DNAH12: variants seen among roughly 807,000 people sequenced by gnomAD.
The protein encoded by DNAH12 is dynein axonemal heavy chain 12, also known as axonemal beta dynein heavy chain 12.
In DNAH12, 285 loss-of-function variants were observed where a neutral mutation model predicts 371.5. The ratio of observed to expected loss-of-function variants is 0.77; its 90% confidence interval spans 0.70 to 0.85. The LOEUF (loss-of-function observed/expected upper bound fraction) is 0.85, where lower values mean the gene tolerates loss of function less well. Among genes scored for constraint, DNAH12 ranks in the 40% least tolerant of loss-of-function variants. The pLI is 0.00. For synonymous variants in DNAH12, 1,200 were observed against 1,213.0 expected, an observed-to-expected ratio of 0.99 and a Z score of 0.22; for missense variants, 3,611 against 3,689.4, an observed-to-expected ratio of 0.98 and a Z score of 0.55.
At chr3:57,527,537 G>A (rs1245905049) in intron 2 of DNAH12, among the ~76,000 whole-genome samples, 1 of 152,160 alleles carries the variant, frequency 6.6e-6, no homozygotes, top group Non-Finnish European at 1.5e-5. Context: ...GAAAGCAGGA[G>A]CAAGAGCAGG....
chr3:57,517,775 G>A (rs957972158), intron 4 of DNAH12, among the ~76,000 whole-genome samples: 3 of 152,234 alleles, frequency 2.0e-5, no homozygotes, highest in Admixed American at 6.5e-5. Flanking sequence ...GGCCCAGCAC[G>A]GTGGCTCATG....
In DNAH12 at chr3:57,507,735, T is replaced by G. The variant is rs770839720; in HGVS notation, c.805A>C (p.Asn269His). 1 of 1,611,488 alleles carries G rather than the reference T, an allele frequency of 6.2e-7. No individual in the cohort carries two copies. The highest frequency in any genetic ancestry group is 8.5e-7 in the Non-Finnish European group (1 of 1,179,684). Residue 269 changes from asparagine to histidine, a missense_variant, in exon 8 of 74, where the codon AAT becomes CAT. By Grantham distance (68) the Asn-to-His change is moderately conservative (BLOSUM62 1). Coordinates refer to ENST00000495027, the MANE Select transcript of DNAH12 (RefSeq NM_001366028.2). ...IMNTWYPKVI[N>H]LFTKKEALEG... ...AGTGCCTCCTTCTTGGTAAAGAGATTTATAACCTTTGGATACCATGTATTC... is the reference window on the plus strand; with the variant it reads ...AGTGCCTCCTTCTTGGTAAAGAGATGTATAACCTTTGGATACCATGTATTC...
chr3:57,549,522 T>C, the DNAH12 span, among the ~76,000 whole-genome samples: 1 of 152,078 alleles, frequency 6.6e-6, no homozygotes, highest in Admixed American at 6.6e-5. Flanking sequence ...AAAAATTTTT[T>C]TAAAAATTGT....
At chr3:57,486,131 A>G (rs1421299052) in intron 12 of DNAH12, among the ~76,000 whole-genome samples, 1 of 151,500 alleles carries the variant, frequency 6.6e-6, no homozygotes, top group Admixed American at 6.6e-5. Flanking sequence ...AGGAGATTCC[A>G]GGAGAATAGC....
chr3:57,363,528 A>T (rs1337733699), intron 58 of DNAH12, 66 bp downstream of exon 58: 1 of 152,134 alleles, frequency 6.6e-6, no homozygotes, highest in Non-Finnish European at 1.5e-5. Flanking sequence ...GAAACAAATC[A>T]GGATCTTAAG....
At chr3:57,434,250 GAC>G (rs72023876) in intron 30 of DNAH12, among the ~76,000 whole-genome samples, 1,534 of 152,242 alleles carry the variant, frequency 0.01, 25 homozygotes, top group African/African-American at 0.035. Context: ...CTTGTGGAAA[GAC>G]TAGGTAACTA....
chr3:57,498,867 T>C (rs555227728), intron 11 of DNAH12, among the ~76,000 whole-genome samples: 2 of 151,966 alleles, frequency 1.3e-5, no homozygotes, highest in South Asian at 2.1e-4. Context: ...GCCATGGTGA[T>C]GGGTGCCTGT....
At chr3:57,296,593 T>C (rs2061239042) in intron 71 of DNAH12, among the ~76,000 whole-genome samples, 158 bp from the exon 72 acceptor site, 1 of 152,236 alleles carries the variant, frequency 6.6e-6, no homozygotes, top group Non-Finnish European at 1.5e-5. Flanking sequence ...TAAAAAAGTA[T>C]AAAAGTACTT....
At chr3:57,334,731 C>CA in intron 61 of DNAH12, 51 bp downstream of exon 61, 1 of 1,513,868 alleles carries the variant, frequency 6.6e-7, no homozygotes, top group Non-Finnish European at 8.8e-7. Flanking sequence ...AATTGAAGAA[C>CA]AAGTTTACAT....
At chr3:57,462,661 A>G (rs1056775700) in intron 18 of DNAH12, 29 bp downstream of exon 18, 14 of 1,536,220 alleles carry the variant, frequency 9.1e-6, no homozygotes, top group African/African-American at 6.9e-5. Context: ...GTCATCACAT[A>G]AAGTATTTCA....
At chr3:57,393,931 T>TA (rs1401115154) in intron 44 of DNAH12, among the ~76,000 whole-genome samples, 3 of 152,104 alleles carry the variant, frequency 2.0e-5, no homozygotes, top group Non-Finnish European at 4.4e-5. Flanking sequence ...TAAATAACAT[T>TA]AAACAGGTGA....
At chr3:57,339,027 TA>T (rs2062319441) in intron 60 of DNAH12, among the ~76,000 whole-genome samples, 1 of 152,214 alleles carries the variant, frequency 6.6e-6, no homozygotes, top group African/African-American at 2.4e-5. Context: ...TTTTGTTCTG[TA>T]CTAAGAAAAA....
chr3:57,452,888 A>T lies in DNAH12; in HGVS notation c.3741T>A (p.Pro1247=). 1 of 1,551,122 alleles carries T rather than the reference A, an allele frequency of 6.4e-7. No homozygotes were observed. Among genetic ancestry groups the T allele is most frequent in the Non-Finnish European group, 8.7e-7 (1 of 1,146,884 alleles). ...KYAYEYLGNS[P]RLVITPLTDR... is the part of the protein sequence containing the mutation. ...CAGTTAGAGGCGTAATGACAAGTCG[A>T]GGTGAGTTACCAAGATATTCATAAG... Residue 1247 remains proline, a synonymous_variant, in exon 25 of 74, where the codon CCT becomes CCA. Coordinates refer to ENST00000495027, the MANE Select transcript of DNAH12 (RefSeq NM_001366028.2).
At chr3:57,397,784 C>G (rs1338884469) in intron 43 of DNAH12, among the ~76,000 whole-genome samples, 1 of 152,164 alleles carries the variant, frequency 6.6e-6, no homozygotes, top group Non-Finnish European at 1.5e-5. Flanking sequence ...GGTCCCAGAA[C>G]CTCTAGCTAG....
chr3:57,377,599 G>A (rs2063307200), intron 52 of DNAH12, among the ~76,000 whole-genome samples: 1 of 151,772 alleles, frequency 6.6e-6, no homozygotes, highest in South Asian at 2.1e-4. Flanking sequence ...TATGTTTTGG[G>A]TGTTTTTTTT....
intron 33 of DNAH12, 126 bp downstream of exon 33, chr3:57,429,565 T>G: frequency 1.2e-6 from 1 of 809,596 alleles, no homozygotes; most frequent in South Asian, 1.8e-5. Flanking sequence ...GCATACACTG[T>G]GTCTTATTCA....
chr3:57,329,303 T>A (rs2062031459), intron 62 of DNAH12, among the ~76,000 whole-genome samples: 1 of 129,178 alleles, frequency 7.7e-6, no homozygotes, highest in African/African-American at 3.2e-5. Flanking sequence ...ACTACCTGAC[T>A]TCAAACTATA....
At chr3:57,399,855 C>T (rs962059491) in intron 43 of DNAH12, among the ~76,000 whole-genome samples, 40 of 152,278 alleles carry the variant, frequency 2.6e-4, no homozygotes, top group Admixed American at 9.8e-4. Context: ...GTAACATTTT[C>T]TTTTATCTGG....
At chr3:57,552,259 G>A in the DNAH12 span, among the ~76,000 whole-genome samples, 22 of 136,032 alleles carry the variant, frequency 1.6e-4, no homozygotes, top group Admixed American at 1.0e-3. Context: ...AAAAAAAAAA[G>A]AGATGGGGTC....
Sources: gnomAD v4.1 joint callset for allele counts (sites outside exome capture counted in the v4.1 genomes callset) on GRCh38, gnomAD v4.1.1 for gene constraint, MANE v1.5 for transcripts, NCBI Gene and HGNC (gene_info 2026-07-23, HGNC 2026-07-21) for gene names.